Variants in IL1RAPL2 observed in about 807,000 individuals in gnomAD.
IL1RAPL2 encodes X-linked interleukin-1 receptor accessory protein-like 2.
In IL1RAPL2, 3 loss-of-function variants were observed where a neutral mutation model predicts 44.1. The observed-to-expected ratio is 0.07, with a 90% CI of 0.03 to 0.18. IL1RAPL2 has a LOEUF of 0.18. Among genes scored for constraint, IL1RAPL2 ranks in the 10% least tolerant of loss-of-function variants. The pLI, the probability that IL1RAPL2 is intolerant of heterozygous loss-of-function variation, is 1.00. For synonymous variants in IL1RAPL2, 181 were observed against 178.8 expected, an observed-to-expected ratio of 1.01 and a Z score of -0.10; for missense variants, 391 against 496.4, an observed-to-expected ratio of 0.79 and a Z score of 2.02.
intron 1 of IL1RAPL2, among the ~76,000 whole-genome samples, chrX:104,568,289 G>C (rs1162441649): frequency 2.7e-5 from 3 of 111,377 alleles, no homozygotes; most frequent in Non-Finnish European, 5.7e-5. Context: ...AGTAAGGGAG[G>C]GAGGGAGGAA....
chrX:104,654,418 A>AG (rs1930212241), intron 1 of IL1RAPL2, among the ~76,000 whole-genome samples: 1 of 110,561 alleles, frequency 9.0e-6, no homozygotes, highest in Non-Finnish European at 1.9e-5. Context: ...GTATCTCAGG[A>AG]GGAAGACAAA....
At chrX:104,915,604 T>G (rs1409840802) in intron 2 of IL1RAPL2, among the ~76,000 whole-genome samples, 1 of 110,656 alleles carries the variant, frequency 9.0e-6, no homozygotes, top group Non-Finnish European at 1.9e-5. Context: ...TGGCTTTTGT[T>G]GCCATTGCTT....
intron 2 of IL1RAPL2, among the ~76,000 whole-genome samples, chrX:104,889,233 C>G (rs766631012): frequency 9.0e-6 from 1 of 111,321 alleles, no homozygotes; most frequent in Non-Finnish European, 1.9e-5. Flanking sequence ...TGCAGCAGTG[C>G]CCCCACCACT....
At chrX:105,496,609 A>G (rs2036358377) in intron 6 of IL1RAPL2, among the ~76,000 whole-genome samples, 1 of 112,010 alleles carries the variant, frequency 8.9e-6, no homozygotes, top group Non-Finnish European at 1.9e-5. Context: ...TGAGTATAAG[A>G]TATCATTCAT....
chrX:105,141,552 GC>G (rs1297747874), intron 2 of IL1RAPL2, among the ~76,000 whole-genome samples: 1 of 111,551 alleles, frequency 9.0e-6, no homozygotes, highest in Middle Eastern at 4.2e-3. Flanking sequence ...TTTAAATAGA[GC>G]CCCCAAATGA....
At chrX:104,892,370 G>A (rs1378566084) in intron 2 of IL1RAPL2, among the ~76,000 whole-genome samples, 3 of 111,871 alleles carry the variant, frequency 2.7e-5, no homozygotes, top group Non-Finnish European at 3.8e-5. Flanking sequence ...AGAAGGAATG[G>A]TACCAGCTCC....
intron 2 of IL1RAPL2, among the ~76,000 whole-genome samples, chrX:104,879,372 A>AAAAAAAAAAAAAAAAAAAAAAAAAAG (rs1922999717): frequency 9.7e-6 from 1 of 102,650 alleles, no homozygotes; most frequent in Non-Finnish European, 2.0e-5. Flanking sequence ...TAGTAAAAAA[A>AAAAAAAAAAAAAAAAAAAAAAAAAAG]AAAAAAAAAA....
chrX:105,478,912 A>C (rs2036215231), intron 5 of IL1RAPL2, among the ~76,000 whole-genome samples: 1 of 112,027 alleles, frequency 8.9e-6, no homozygotes, highest in Non-Finnish European at 1.9e-5. Context: ...CCAGGAGCTT[A>C]AAAATATAGT....
intron 2 of IL1RAPL2, among the ~76,000 whole-genome samples, chrX:105,119,937 G>T (rs1228126853): frequency 9.1e-6 from 1 of 109,618 alleles, no homozygotes; most frequent in Non-Finnish European, 1.9e-5. Flanking sequence ...TTATTATATA[G>T]ACTTATTTAA....
At position 104,582,638 on chromosome X, in the gene IL1RAPL2, T is replaced by C. The variant is rs181787431; in HGVS notation, c.-20+15587T>C. 4.0e-3 allele frequency among the ~76,000 whole-genome samples: 337 copies of C among 84,413 alleles called. 8 individuals are homozygous for C. Among genetic ancestry groups the C allele is most frequent in the African/African-American group, 0.02 (313 of 15,965 alleles). The allele number at this position is 84,413 out of a possible 115,157, so 73.3% of individuals were successfully genotyped here. ...TTTCTTTCTTTCTTTCTTTCTTTCT[T>C]TCTCTCTTTCTTTCTTTCTTTTTTT... On this transcript the variant is annotated intron_variant, in intron 1 of 10. Transcript: ENST00000372582.
chrX:105,089,914 C>A, intron 2 of IL1RAPL2, among the ~76,000 whole-genome samples: 1 of 111,411 alleles, frequency 9.0e-6, no homozygotes, highest in East Asian at 2.8e-4. Context: ...AGTTAATATC[C>A]CAGAAAGCAT....
chrX:105,577,407 A>C (rs908933778), intron 6 of IL1RAPL2, among the ~76,000 whole-genome samples: 2 of 110,747 alleles, frequency 1.8e-5, no homozygotes, highest in African/African-American at 6.6e-5. Flanking sequence ...TGGCACTAAC[A>C]CAGTATGTTA....
At chrX:105,753,901 C>A (rs894243005) in intron 9 of IL1RAPL2, among the ~76,000 whole-genome samples, 4 of 111,535 alleles carry the variant, frequency 3.6e-5, no homozygotes, top group Non-Finnish European at 7.5e-5. Context: ...ACAACATAAT[C>A]CTACTTCAGA....
chrX:105,411,454 A>C (rs2035695159), intron 5 of IL1RAPL2, among the ~76,000 whole-genome samples: 1 of 111,782 alleles, frequency 8.9e-6, no homozygotes, highest in African/African-American at 3.2e-5. Flanking sequence ...ACATAGACTG[A>C]AAGTGAAAGA....
At chrX:105,465,015 G>A (rs1407357339) in intron 5 of IL1RAPL2, among the ~76,000 whole-genome samples, 1 of 111,842 alleles carries the variant, frequency 8.9e-6, no homozygotes, top group African/African-American at 3.2e-5. Flanking sequence ...GGTCCTGACC[G>A]GAAATTGATT....
At chrX:105,144,553 C>A (rs963786408) in intron 2 of IL1RAPL2, among the ~76,000 whole-genome samples, 1 of 111,404 alleles carries the variant, frequency 9.0e-6, no homozygotes, top group African/African-American at 3.3e-5. Flanking sequence ...TAGTAACTAT[C>A]TTCTGTCTCT....
intron 2 of IL1RAPL2, among the ~76,000 whole-genome samples, chrX:104,696,739 A>G (rs1273584970): frequency 8.9e-6 from 1 of 111,890 alleles, no homozygotes; most frequent in East Asian, 2.8e-4. Context: ...TCTATGCAGT[A>G]ACTTCATCAC....
intron 2 of IL1RAPL2, among the ~76,000 whole-genome samples, chrX:104,933,567 T>C (rs778091148): frequency 7.5e-4 from 84 of 111,684 alleles, no homozygotes; most frequent in Non-Finnish European, 9.4e-4. Flanking sequence ...TCAAGGTCCA[T>C]TCCCCAGAAA....
intron 5 of IL1RAPL2, among the ~76,000 whole-genome samples, chrX:105,314,629 A>G (rs1451023881): frequency 8.9e-6 from 1 of 111,864 alleles, no homozygotes; most frequent in Non-Finnish European, 1.9e-5. Flanking sequence ...AAATACATAA[A>G]ATATGTGGAA....
Sources: allele counts gnomAD v4.1 joint callset (sites outside exome capture counted in the v4.1 genomes callset), GRCh38; gene constraint gnomAD v4.1.1; transcripts MANE v1.5; gene names NCBI Gene and HGNC (gene_info 2026-07-23, HGNC 2026-07-21).